CD101: variants seen among roughly 807,000 people sequenced by gnomAD.
The protein encoded by CD101 is immunoglobulin superfamily member 2.
A neutral mutation model predicts 98.2 loss-of-function variants in CD101; 76 were observed. That is an observed-to-expected ratio of 0.77 (90% CI 0.64 to 0.94). The LOEUF is 0.94. Ranked by LOEUF, CD101 falls within the 40% of genes least tolerant of loss-of-function variation. The probability of loss-of-function intolerance (pLI) is 0.00; values close to 1 mark genes in which losing one functional copy is unlikely to be tolerated. For missense variants in CD101, 1,145 were observed against 1,218.8 expected, an observed-to-expected ratio of 0.94 and a Z score of 0.90; for synonymous variants, 471 against 472.7, an observed-to-expected ratio of 1.00 and a Z score of 0.05.
Position 117,022,025 on chromosome 1 carries a change from A to ACGGCTGTTTTCTCTTGGG in CD101, c.2428+44_2428+61dup. 1 of 1,552,198 alleles carries ACGGCTGTTTTCTCTTGGG rather than the reference A, an allele frequency of 6.4e-7. No individual in the cohort carries two copies. Among genetic ancestry groups the ACGGCTGTTTTCTCTTGGG allele is most frequent in the East Asian group, 2.2e-5 (1 of 44,486 alleles). ...TATCCTCACAATGTCTGTCTGTCTG[A>ACGGCTGTTTTCTCTTGGG]CGGCTGTTTTCTCTTGGGCAGCTGT... On this transcript the variant is annotated intron_variant, in intron 7 of 9. Transcript: ENST00000682167. The surrounding 1 kb of genome is among the most constrained non-coding windows in gnomAD (Gnocchi z 4.8).
rs530244056 is a variant in CD101, at chr1:117,023,917, T to G, written c.2429-1592T>G. Among the ~76,000 whole-genome samples the G allele has an allele frequency of 7.7e-4, 117 of 152,116 alleles. No homozygotes were observed. Among genetic ancestry groups the G allele is most frequent in the Non-Finnish European group, 1.5e-3 (101 of 68,022 alleles). On this transcript the variant is annotated intron_variant, in intron 7 of 9. Coordinates refer to ENST00000682167, the MANE Select transcript of CD101 (RefSeq NM_001256106.3). The surrounding 1 kb of genome is among the most constrained non-coding windows in gnomAD (Gnocchi z 4.4). The stretch of plus-strand genomic sequence containing the variant: ...AAAGAAGTCAATTTCAAGGAGAAAT[T>G]GGACTCCAGTAACAAAAACCACATA...
rs2101137554 is a variant in CD101, at chr1:117,021,544, A to G, written c.2018-29A>G. 1 of 1,534,042 alleles carries G rather than the reference A, an allele frequency of 6.5e-7. No homozygotes were observed. Among genetic ancestry groups the G allele is most frequent in the East Asian group, 2.3e-5 (1 of 44,262 alleles). ...TACCTTAACTTTCTATTTCATAGCAAAGTAACTGTTTCATTTTTTTAAATT... is the reference window on the plus strand; with the variant it reads ...TACCTTAACTTTCTATTTCATAGCAGAGTAACTGTTTCATTTTTTTAAATT... On this transcript the variant is annotated intron_variant, in intron 6 of 9. Coordinates refer to ENST00000682167, the MANE Select transcript of CD101 (RefSeq NM_001256106.3). The surrounding 1 kb of genome is among the most constrained non-coding windows in gnomAD (Gnocchi z 4.7).
chr1:117,029,152 AAAG>A (rs1654168576), intron 8 of CD101, among the ~76,000 whole-genome samples: 1 of 97,836 alleles, frequency 1.0e-5, no homozygotes, highest in African/African-American at 4.3e-5. Flanking sequence ...AGAAAGAAAG[AAAG>A]AAAGAAAGAA....
At chr1:117,020,927 C>T (rs888152175) in intron 6 of CD101, among the ~76,000 whole-genome samples, 5 of 152,200 alleles carry the variant, frequency 3.3e-5, no homozygotes, top group African/African-American at 1.2e-4. Flanking sequence ...GATTGTCACT[C>T]ATCTTTCTGA....
chr1:117,022,836 C>T lies in CD101; in HGVS notation c.2428+853C>T, dbSNP rs1653668733. Among the ~76,000 whole-genome samples, 1 of 152,326 alleles carries T rather than the reference C, an allele frequency of 6.6e-6. No homozygotes were observed. Reference sequence around the variant, plus strand: ...AGGAGCTCCCAGTCTGGTGGGACAACAAGGGCAGAACAGCAGCTTGGTTTG... The same window carrying T: ...AGGAGCTCCCAGTCTGGTGGGACAATAAGGGCAGAACAGCAGCTTGGTTTG... On this transcript the variant is annotated intron_variant, in intron 7 of 9. Transcript: ENST00000682167. The surrounding 1 kb of genome is among the most constrained non-coding windows in gnomAD (Gnocchi z 4.8).
Position 117,021,683 on chromosome 1 carries a change from G to A in CD101, c.2128G>A (p.Ala710Thr). 1 of 1,614,084 alleles carries A rather than the reference G, an allele frequency of 6.2e-7. No individual in the cohort carries two copies. Among genetic ancestry groups the A allele is most frequent in the Non-Finnish European group, 8.5e-7 (1 of 1,179,954 alleles). ...LSRSNGNLQL[A>T]IIWYFSPVST... ...CCGGTCCAATGGAAACCTTCAGTTA[G>A]CCATTATTTGGTATTTTTCTCCTGT... The change falls in exon 7 of 10, where the codon GCC becomes ACC. Residue 710 changes from alanine (A) to threonine (T), a missense_variant. Physicochemically the swap from Ala to Thr is moderately conservative, Grantham distance 58 (BLOSUM62 0). Coordinates refer to ENST00000682167, the MANE Select transcript of CD101 (RefSeq NM_001256106.3). This position sits in a 1 kb window ranked among gnomAD's most constrained non-coding sequence, Gnocchi z 4.7.
chr1:117,034,645 C>G (rs79223638), intron 9 of CD101, among the ~76,000 whole-genome samples: 1 of 152,210 alleles, frequency 6.6e-6, no homozygotes, highest in Non-Finnish European at 1.5e-5. Flanking sequence ...TCCCAGCCCA[C>G]CTACAAAGGC....
Position 117,018,218 on chromosome 1 carries a change from G to A in CD101, c.1675G>A (p.Asp559Asn). The change falls in exon 6 of 10, where the codon GAC becomes AAC. Residue 559 changes from aspartate to asparagine, a missense_variant. Asp to Asn is a conservative substitution (Grantham distance 23). Coordinates refer to ENST00000682167, the MANE Select transcript of CD101 (RefSeq NM_001256106.3). The surrounding 1 kb of genome is among the most constrained non-coding windows in gnomAD (Gnocchi z 4.3). ...QPQVMLTNTFDLSCVVRAGYS... is the reference protein window; with the variant it reads ...QPQVMLTNTFNLSCVVRAGYS... ...GCAAGTGATGTTAACCAACACCTTT[G>A]ACCTGTCCTGTGTCGTGAGGGCCGG... 1 of 1,614,042 alleles carries A rather than the reference G, an allele frequency of 6.2e-7. No individual in the cohort carries two copies. Among genetic ancestry groups the A allele is most frequent in the Non-Finnish European group, 8.5e-7 (1 of 1,179,960 alleles).
rs146329101 is a variant in CD101 at position 117,015,908 on chromosome 1, T to G, written c.1229-1182T>G. 2.0e-4 allele frequency among the ~76,000 whole-genome samples: 31 copies of G among 152,278 alleles called. No homozygotes were observed. The East Asian group carries it at 4.0e-3, about 20-fold the overall frequency. On this transcript the variant is annotated intron_variant, in intron 4 of 9. Transcript: ENST00000682167. ...ATTCTGACTCCAGGAGCCGTGGCCT[T>G]AAATTAGTGTTGGGCTGCCTAGAAT...
At chr1:117,009,812 A>C in intron 1 of CD101, 38 bp from the exon 2 acceptor site, 1 of 1,553,330 alleles carries the variant, frequency 6.4e-7, no homozygotes, top group East Asian at 2.3e-5. Context: ...TGGAACACTA[A>C]TCTCTTTTTA....
chr1:117,035,501 T>A (rs1263533975), intron 9 of CD101, among the ~76,000 whole-genome samples: 1 of 151,884 alleles, frequency 6.6e-6, no homozygotes, highest in Non-Finnish European at 1.5e-5. Flanking sequence ...TTTCTTGTCA[T>A]CCAGGTAAGG....
intron 8 of CD101, among the ~76,000 whole-genome samples, chr1:117,030,403 CAA>C (rs377159990): frequency 3.9e-5 from 5 of 127,210 alleles, no homozygotes; most frequent in South Asian, 2.6e-4. Context: ...AACAAACAAA[CAA>C]AGAGAGAGAG....
At chr1:117,028,294 G>A (rs1654098632) in intron 8 of CD101, among the ~76,000 whole-genome samples, 1 of 152,058 alleles carries the variant, frequency 6.6e-6, no homozygotes, top group African/African-American at 2.4e-5. Context: ...CTGATTCATT[G>A]TATATAGAGG....
chr1:117,030,022 A>G (rs908944085), intron 8 of CD101, among the ~76,000 whole-genome samples: 1 of 152,222 alleles, frequency 6.6e-6, no homozygotes, highest in Non-Finnish European at 1.5e-5. Context: ...AGGCCAGGCT[A>G]TAAGGCTTCC....
chr1:117,010,287 T>C lies in CD101; in HGVS notation c.424+57T>C. 2 of 1,536,656 alleles carry C rather than the reference T, an allele frequency of 1.3e-6. No homozygotes were observed. Among genetic ancestry groups the C allele is most frequent in the Non-Finnish European group, 1.8e-6 (2 of 1,135,026 alleles). ...CCCTGAGAAGCCAGAGTCTCCACCA[T>C]GACAATATCTTGCAATATGACATGG... On this transcript the variant is annotated intron_variant, in intron 2 of 9. Transcript: ENST00000682167. The surrounding 1 kb of genome is among the most constrained non-coding windows in gnomAD (Gnocchi z 5.2).
At chr1:117,031,751 T>C (rs958122584) in intron 8 of CD101, among the ~76,000 whole-genome samples, 1 of 152,244 alleles carries the variant, frequency 6.6e-6, no homozygotes, top group Non-Finnish European at 1.5e-5. Flanking sequence ...CTAGAAATTG[T>C]TATCCCTATT....
Position 117,010,272 on chromosome 1 carries a change from C to A in CD101, c.424+42C>A. 6.4e-7 allele frequency: 1 copy of A among 1,567,718 alleles called. No homozygotes were observed. The highest frequency in any genetic ancestry group is 8.7e-7 in the Non-Finnish European group (1 of 1,153,816). On this transcript the variant is annotated intron_variant, in intron 2 of 9. Transcript: ENST00000682167. The surrounding 1 kb of genome is among the most constrained non-coding windows in gnomAD (Gnocchi z 5.2). ...CTTCTGCTAGCCAGCCCCTGAGAAGCCAGAGTCTCCACCATGACAATATCT... is the reference window on the plus strand; with the variant it reads ...CTTCTGCTAGCCAGCCCCTGAGAAGACAGAGTCTCCACCATGACAATATCT...
Position 117,021,511 on chromosome 1 carries a change from G to A in CD101, c.2018-62G>A, listed in dbSNP as rs1653577787. 1 of 1,413,132 alleles carries A rather than the reference G, an allele frequency of 7.1e-7. No individual in the cohort carries two copies. The highest frequency in any genetic ancestry group is 1.5e-5 in the South Asian group (1 of 68,958). 87.5% of individuals were successfully genotyped at this position (1,413,132 alleles called of 1,614,324 possible). ...TGCAGTGTCATACTTGACCTCTAAT[G>A]TCTCTACTACCTTAACTTTCTATTT... is the stretch of plus-strand genomic sequence containing the variant. On this transcript the variant is annotated intron_variant, in intron 6 of 9. Transcript: ENST00000682167. This position sits in a 1 kb window ranked among gnomAD's most constrained non-coding sequence, Gnocchi z 4.7.
At chr1:117,002,594 T>C (rs1652296208) in intron 1 of CD101, among the ~76,000 whole-genome samples, 1 of 152,196 alleles carries the variant, frequency 6.6e-6, no homozygotes, top group Admixed American at 6.5e-5. Context: ...GTAAAGAGAA[T>C]AGACTCCATC....
Sources: gnomAD v4.1 joint callset for allele counts (sites outside exome capture counted in the v4.1 genomes callset) on GRCh38, gnomAD v4.1.1 for gene constraint, Gnocchi (gnomAD v3.1) non-coding constraint, MANE v1.5 for transcripts, NCBI Gene and HGNC (gene_info 2026-07-23, HGNC 2026-07-21) for gene names.